Variants in SRGAP3 observed in about 807,000 individuals in gnomAD.
SRGAP3 encodes SLIT-ROBO Rho GTPase activating protein 3.
SRGAP3 carries 39 observed loss-of-function variants against 121.1 expected under a neutral mutation model. The ratio of observed to expected loss-of-function variants is 0.32; its 90% CI spans 0.25 to 0.42. The LOEUF is 0.42. Ranked by LOEUF, SRGAP3 falls within the 10% of genes least tolerant of loss-of-function variation. The probability of loss-of-function intolerance (pLI) is 1.00; values close to 1 mark genes in which losing one functional copy is unlikely to be tolerated. For synonymous variants in SRGAP3, 601 were observed against 570.0 expected (o/e 1.05, Z -0.77); for missense variants, 1,213 against 1,470.6 (o/e 0.82, Z 2.86).
At chr3:8,993,360 GT>G (rs1942190980) in intron 19 of SRGAP3, among the ~76,000 whole-genome samples, 1 of 152,216 alleles carries the variant, frequency 6.6e-6, no homozygotes, top group Non-Finnish European at 1.5e-5. Context: ...TGCAGGGTGT[GT>G]TGGAGAAATG....
chr3:9,134,533 A>C lies in SRGAP3; in HGVS notation c.68-9616T>G, dbSNP rs114165427. 6.7e-3 allele frequency among the ~76,000 whole-genome samples: 1,027 copies of C among 152,192 alleles called. 14 individuals are homozygous for C. Among genetic ancestry groups the C allele is most frequent in the African/African-American group, 0.022 (925 of 41,506 alleles). Reference sequence around the variant, plus strand: ...TATTGCCACTCCTCTTCTACGGATGAAGCAATTGAGATTCAGGGAGGGGAA... The same window carrying C: ...TATTGCCACTCCTCTTCTACGGATGCAGCAATTGAGATTCAGGGAGGGGAA... On this transcript the variant is annotated intron_variant, in intron 1 of 21. Coordinates refer to ENST00000383836, the MANE Select transcript of SRGAP3 (RefSeq NM_014850.4).
At chr3:9,098,070 C>T (rs446842) in intron 3 of SRGAP3, among the ~76,000 whole-genome samples, 52,198 of 151,946 alleles carry the variant, frequency 0.34, 10,104 homozygotes, top group Non-Finnish European at 0.45. Context: ...TCAAATGCTG[C>T]TTCCCCCACC....
chr3:9,330,538 C>T, exon 2 of SRGAP3: 1 of 161,724 alleles, frequency 6.2e-6, no homozygotes. Flanking sequence ...CTTGCGTGTT[C>T]ACTCAGCACT....
intron 7 of SRGAP3, among the ~76,000 whole-genome samples, chr3:9,056,744 C>A (rs1024323928): frequency 5.9e-5 from 9 of 152,214 alleles, no homozygotes; most frequent in Non-Finnish European, 2.9e-5. Flanking sequence ...GGGGCGCACT[C>A]CCATTGTGCC....
chr3:9,222,292 T>C (rs1344967477), intron 1 of SRGAP3, among the ~76,000 whole-genome samples: 10 of 152,208 alleles, frequency 6.6e-5, no homozygotes, highest in Admixed American at 6.5e-4. Flanking sequence ...GAAGGAAGGA[T>C]GAAGCAGATG....
intron 1 of SRGAP3, chr3:9,219,255 G>A (rs1952726560): frequency 6.6e-6 from 1 of 152,186 alleles, no homozygotes; most frequent in Admixed American, 6.5e-5. Context: ...TTCCTAGCAA[G>A]ACTTTCCAAC....
intron 8 of SRGAP3, among the ~76,000 whole-genome samples, chr3:9,054,113 T>G (rs764631466): frequency 2.6e-5 from 4 of 152,212 alleles, no homozygotes; most frequent in Non-Finnish European, 4.4e-5. Context: ...CTTTTTGTGT[T>G]TCATAAATGA....
At chr3:9,140,200 A>G (rs1477792980) in intron 1 of SRGAP3, among the ~76,000 whole-genome samples, 5 of 152,162 alleles carry the variant, frequency 3.3e-5, no homozygotes, top group African/African-American at 4.8e-5. Flanking sequence ...CATTGTCTAT[A>G]GAAGTGAAAA....
At chr3:9,298,248 G>A (rs934904727) in intron 3 of SRGAP3, among the ~76,000 whole-genome samples, 1 of 152,190 alleles carries the variant, frequency 6.6e-6, no homozygotes, top group Non-Finnish European at 1.5e-5. Flanking sequence ...TTGGCACACA[G>A]TATGTGCTCA....
At position 9,015,859 on chromosome 3, in the gene SRGAP3, C is replaced by T. The variant is rs2125040491; in HGVS notation, c.1679-128G>A. The T allele has an allele frequency of 7.8e-6, 8 of 1,020,798 alleles. No homozygotes were observed. In the Admixed American group the frequency reaches 9.9e-5, roughly 13 times the overall value. The allele number at this position is 1,020,798 out of a possible 1,614,324, so 63.2% of individuals were successfully genotyped here. On this transcript the variant is annotated intron_variant, in intron 14 of 21. Coordinates refer to ENST00000383836, the MANE Select transcript of SRGAP3 (RefSeq NM_014850.4). ...AGGCAGATGGGAAAAGTCTCCCCCA[C>T]ATATGAGGCCCCCCACTTCAGCAAG...
At chr3:9,282,809 G>A (rs948956264) in intron 3 of SRGAP3, among the ~76,000 whole-genome samples, 2 of 152,024 alleles carry the variant, frequency 1.3e-5, no homozygotes, top group African/African-American at 4.8e-5. Flanking sequence ...TTGAATAAGG[G>A]TATGAAGAAA....
chr3:9,075,765 T>C (rs1946946890), intron 4 of SRGAP3, among the ~76,000 whole-genome samples: 1 of 152,156 alleles, frequency 6.6e-6, no homozygotes, highest in South Asian at 2.1e-4. Context: ...GTGACTGTGG[T>C]AATGACCCTA....
At chr3:9,308,308 T>C (rs1318805694) in intron 3 of SRGAP3, among the ~76,000 whole-genome samples, 6 of 152,236 alleles carry the variant, frequency 3.9e-5, no homozygotes, top group Non-Finnish European at 7.3e-5. Flanking sequence ...TATTGGTCTG[T>C]GTTGTTTGGG....
intron 3 of SRGAP3, among the ~76,000 whole-genome samples, chr3:9,255,311 A>G (rs938367120): frequency 6.6e-6 from 1 of 152,226 alleles, no homozygotes; most frequent in African/African-American, 2.4e-5. Flanking sequence ...CTCACTCATA[A>G]TGAACACAAG....
chr3:9,071,538 G>T (rs1170388160), intron 4 of SRGAP3, among the ~76,000 whole-genome samples: 1 of 152,112 alleles, frequency 6.6e-6, no homozygotes, highest in Admixed American at 6.6e-5. Context: ...AATTTGCAGT[G>T]CTAGGGACCA....
chr3:9,049,413 G>A lies in SRGAP3; in HGVS notation c.1324-1938C>T, dbSNP rs563029277. The A allele has an allele frequency of 5.7e-5, 26 of 456,094 alleles. No individual in the cohort carries two copies. In the Middle Eastern group the frequency reaches 1.6e-3, roughly 29 times the overall value. The allele number at this position is 456,094 out of a possible 1,614,324, so 28.3% of individuals were successfully genotyped here. A position where few individuals can be genotyped will look rare whatever the true frequency, so the allele number is the denominator to read the frequency against. ...CACTTGACAGTTTTCACACACGTAC[G>A]TTTAAGCCTCATCAGAGTCTTGGAT... On this transcript the variant is annotated intron_variant, in intron 9 of 21. Coordinates refer to ENST00000383836, the MANE Select transcript of SRGAP3 (RefSeq NM_014850.4).
chr3:9,085,267 T>C (rs1480482562), intron 3 of SRGAP3, among the ~76,000 whole-genome samples: 2 of 152,150 alleles, frequency 1.3e-5, no homozygotes, highest in Non-Finnish European at 2.9e-5. Context: ...AGACTGATCA[T>C]TGTGGGGCAG....
chr3:9,251,258 A>G (rs899922094), upstream of SRGAP3, among the ~76,000 whole-genome samples: 2 of 152,146 alleles, frequency 1.3e-5, no homozygotes, highest in Admixed American at 6.5e-5. Context: ...CTGGTGAATC[A>G]TGGGGCTTAT....
intron 1 of SRGAP3, among the ~76,000 whole-genome samples, chr3:9,199,060 G>A (rs1281402949): frequency 1.3e-5 from 2 of 151,816 alleles, no homozygotes; most frequent in Non-Finnish European, 2.9e-5. Context: ...TCCAATATCT[G>A]CCCCCCCTTC....
Sources: allele counts gnomAD v4.1 joint callset (sites outside exome capture counted in the v4.1 genomes callset), GRCh38; gene constraint gnomAD v4.1.1; transcripts MANE v1.5; gene names NCBI Gene and HGNC (gene_info 2026-07-23, HGNC 2026-07-21).